COP1: variants seen among roughly 807,000 people sequenced by gnomAD.
The protein encoded by COP1 is E3 ubiquitin-protein ligase COP1.
A neutral mutation model predicts 101.3 loss-of-function variants in COP1; 24 were observed. The observed-to-expected ratio is 0.24, with a 90% CI of 0.17 to 0.33. The LOEUF is 0.33. Among genes scored for constraint, COP1 ranks in the 10% least tolerant of loss-of-function variants. COP1 has a pLI of 1.00. For missense variants in COP1, 663 were observed against 906.2 expected (o/e 0.73, Z 3.45); for synonymous variants, 347 against 341.9 (o/e 1.01, Z -0.17).
In COP1 at chr1:176,187,401, A is replaced by ATG. The variant is rs1558284511; in HGVS notation, c.408-2710_408-2709insCA. Among the ~76,000 whole-genome samples, 27 of 54,372 alleles carry ATG rather than the reference A, an allele frequency of 5.0e-4. No individual in the cohort carries two copies. In the South Asian group the frequency reaches 9.8e-3, roughly 20 times the overall value. The allele number at this position is 54,372 out of a possible 152,430, so 35.7% of individuals were successfully genotyped here. A position where few individuals can be genotyped will look rare whatever the true frequency, so the allele number is the denominator to read the frequency against. On this transcript the variant is annotated intron_variant, in intron 1 of 19. Coordinates refer to ENST00000367669, the MANE Select transcript of COP1 (RefSeq NM_022457.7). Reference sequence around the variant, plus strand: ...CACATATATATACACATATAAATATACGTGTGTGTGTGTGTGTGTGTGTGT... The same window carrying ATG: ...CACATATATATACACATATAAATATATGCGTGTGTGTGTGTGTGTGTGTGTGT...
chr1:176,169,529 A>G (rs1558249356), intron 3 of COP1, among the ~76,000 whole-genome samples: 1 of 150,410 alleles, frequency 6.6e-6, no homozygotes, highest in Non-Finnish European at 1.5e-5. Flanking sequence ...TGGTTTCCCA[A>G]TATACATAAA....
chr1:176,195,535 T>A (rs1699579463), intron 1 of COP1, among the ~76,000 whole-genome samples: 1 of 152,170 alleles, frequency 6.6e-6, no homozygotes, highest in Admixed American at 6.6e-5. Context: ...TTCAAGTGCA[T>A]ATGGACCATT....
chr1:175,954,899 A>G (rs1485017663), intron 18 of COP1, among the ~76,000 whole-genome samples: 1 of 152,176 alleles, frequency 6.6e-6, no homozygotes, highest in Non-Finnish European at 1.5e-5. Flanking sequence ...GAATTCATCC[A>G]GATATTAAAA....
chr1:176,051,572 T>C (rs1672557441), intron 11 of COP1, among the ~76,000 whole-genome samples: 1 of 152,156 alleles, frequency 6.6e-6, no homozygotes, highest in Non-Finnish European at 1.5e-5. Flanking sequence ...GTATATCTTC[T>C]ACTTATTTTA....
intron 18 of COP1, among the ~76,000 whole-genome samples, chr1:175,951,463 A>ATATATATATATATATATATAT (rs1558154896): frequency 0.019 from 753 of 39,336 alleles, 16 homozygotes; most frequent in East Asian, 0.043. Context: ...TATATATATA[A>ATATATATATATATATATATAT]AAACTTCCAT....
intron 9 of COP1, 126 bp from the exon 10 acceptor site, chr1:176,086,016 A>ACT: frequency 2.0e-6 from 1 of 492,040 alleles, no homozygotes. Context: ...AATAGTAAAA[A>ACT]ACTGTAATTC....
chr1:176,187,229 A>T (rs1300414516), intron 1 of COP1, among the ~76,000 whole-genome samples: 1 of 152,060 alleles, frequency 6.6e-6, no homozygotes, highest in African/African-American at 2.4e-5. Context: ...GGCTCGGGAC[A>T]TCTCTCCTGC....
At chr1:175,960,944 T>C (rs1651261245) in intron 18 of COP1, among the ~76,000 whole-genome samples, 1 of 152,148 alleles carries the variant, frequency 6.6e-6, no homozygotes, top group Admixed American at 6.5e-5. Flanking sequence ...CAGCCCTCAA[T>C]GTGGATAGGC....
chr1:176,179,111 G>A (rs1175128000), intron 2 of COP1, among the ~76,000 whole-genome samples: 1 of 151,978 alleles, frequency 6.6e-6, no homozygotes, highest in Non-Finnish European at 1.5e-5. Context: ...GCAACATGGT[G>A]AAACCCCCAT....
intron 8 of COP1, among the ~76,000 whole-genome samples, chr1:176,134,802 A>AT (rs1689529147): frequency 6.6e-6 from 1 of 152,094 alleles, no homozygotes. Context: ...AATTCATAAC[A>AT]TTATAGTATT....
intron 6 of COP1, among the ~76,000 whole-genome samples, chr1:176,140,028 C>T (rs1405616857): frequency 5.3e-5 from 8 of 152,132 alleles, no homozygotes; most frequent in African/African-American, 1.9e-4. Context: ...TTGTATGATA[C>T]ATAATAATTG....
At chr1:175,947,126 A>C (rs1649275339) in intron 19 of COP1, 69 bp downstream of exon 19, 1 of 1,047,830 alleles carries the variant, frequency 9.5e-7, no homozygotes, top group Non-Finnish European at 1.5e-6. Context: ...ACAATGGTGT[A>C]TTTCTATAAT....
rs141875065 is a variant in COP1 at position 176,153,635 on chromosome 1, G to A, written c.763-4561C>T. Among the ~76,000 whole-genome samples the A allele has an allele frequency of 1.1e-4, 16 of 152,300 alleles. No individual in the cohort carries two copies. In the East Asian group the frequency reaches 3.1e-3, roughly 29 times the overall value. ...TTCCATCACCATGTTGAATAAACAG[G>A]AGTAGTGAAAGAGGGCATCCTTGTC... On this transcript the variant is annotated intron_variant, in intron 5 of 19. Coordinates refer to ENST00000367669, the MANE Select transcript of COP1 (RefSeq NM_022457.7).
intron 15 of COP1, among the ~76,000 whole-genome samples, chr1:176,000,026 T>C (rs1280034388): frequency 6.6e-6 from 1 of 152,092 alleles, no homozygotes; most frequent in Non-Finnish European, 1.5e-5. Flanking sequence ...GTCAGATGAG[T>C]AGTTTGCAAA....
chr1:176,191,204 G>A (rs1329143579), intron 1 of COP1, among the ~76,000 whole-genome samples: 1 of 151,876 alleles, frequency 6.6e-6, no homozygotes, highest in Admixed American at 6.6e-5. Context: ...TAAATTATTT[G>A]TCCAAAGTTA....
intron 15 of COP1, among the ~76,000 whole-genome samples, chr1:175,998,333 G>A (rs1660788060): frequency 6.6e-6 from 1 of 150,934 alleles, no homozygotes; most frequent in South Asian, 2.1e-4. Flanking sequence ...AGAGGGGAGG[G>A]ATAGCTTTAG....
Position 176,012,161 on chromosome 1 carries a change from C to CTT in COP1, c.1729+15409_1729+15410dup, listed in dbSNP as rs533931084. ...ACTGTGCCTATGAATAGCCACTGTA[C>CTT]TTCAGCCTAAGCCATAGGTTGGAGA... On this transcript the variant is annotated intron_variant, in intron 15 of 19. Transcript: ENST00000367669. Among the ~76,000 whole-genome samples the CTT allele has an allele frequency of 2.6e-5, 4 of 152,338 alleles. No individual in the cohort carries two copies. In the South Asian group the frequency reaches 8.3e-4, roughly 32 times the overall value.
intron 18 of COP1, among the ~76,000 whole-genome samples, chr1:175,956,261 T>C (rs1650635316): frequency 6.6e-6 from 1 of 152,094 alleles, no homozygotes; most frequent in African/African-American, 2.4e-5. Flanking sequence ...TTTTTACAAA[T>C]GCTGTTGAAA....
intron 5 of COP1, among the ~76,000 whole-genome samples, chr1:176,153,781 A>G (rs2861672): frequency 0.4 from 60,486 of 151,940 alleles, 12,227 homozygotes; most frequent in Admixed American, 0.45. Context: ...TAGTTTATTG[A>G]GAGTTTTTAA....
Sources: allele counts gnomAD v4.1 joint callset (sites outside exome capture counted in the v4.1 genomes callset), GRCh38; gene constraint gnomAD v4.1.1; transcripts MANE v1.5; gene names NCBI Gene and HGNC (gene_info 2026-07-23, HGNC 2026-07-21).